Variants in RAB3B observed in about 807,000 individuals in gnomAD.
RAB3B encodes the protein RAB3B, member RAS oncogene family.
Under a neutral mutation model 20.5 loss-of-function variants are expected in RAB3B, and 11 were observed. That is an observed-to-expected ratio of 0.54 (90% CI 0.34 to 0.89). The LOEUF is 0.89. Ranked by LOEUF, RAB3B falls within the 40% of genes least tolerant of loss-of-function variation. RAB3B has a pLI of 0.02. For missense variants in RAB3B, 225 were observed against 280.9 expected, an observed-to-expected ratio of 0.80 and a Z score of 1.42; for synonymous variants, 99 against 106.3, an observed-to-expected ratio of 0.93 and a Z score of 0.42.
intron 2 of RAB3B, among the ~76,000 whole-genome samples, chr1:51,957,682 C>G (rs1455399040): frequency 6.6e-6 from 1 of 152,204 alleles, no homozygotes; most frequent in Non-Finnish European, 1.5e-5. Flanking sequence ...TGTTTGCCCT[C>G]AGTAATCTGC....
intron 3 of RAB3B, among the ~76,000 whole-genome samples, chr1:51,936,550 C>T (rs1230525402): frequency 3.3e-5 from 5 of 152,202 alleles, no homozygotes; most frequent in Non-Finnish European, 7.4e-5. Flanking sequence ...TATAGCAGCA[C>T]ACAAAACCCT....
intron 2 of RAB3B, among the ~76,000 whole-genome samples, chr1:51,970,726 C>T (rs1302000691): frequency 6.6e-6 from 1 of 152,096 alleles, no homozygotes; most frequent in Admixed American, 6.6e-5. Context: ...AACCCAGTGG[C>T]TGGGCACGGT....
chr1:51,932,291 G>A (rs1684337459), intron 4 of RAB3B, among the ~76,000 whole-genome samples: 1 of 152,184 alleles, frequency 6.6e-6, no homozygotes, highest in African/African-American at 2.4e-5. Context: ...CACTAAGGAT[G>A]TGAGATATAC....
rs1684634960 is a variant in RAB3B at position 51,951,117 on chromosome 1, T to A, written c.229-13705A>T. Among the ~76,000 whole-genome samples the A allele has an allele frequency of 2.0e-5, 3 of 148,298 alleles. No homozygotes were observed. In the South Asian group the frequency reaches 6.6e-4, roughly 33 times the overall value. On this transcript the variant is annotated intron_variant, in intron 2 of 4. Coordinates refer to ENST00000371655, the MANE Select transcript of RAB3B (RefSeq NM_002867.4). ...TCATCTTACAGGAGCCTGACAATGA[T>A]TCTGTGATGCAGACTTTTTTTTTTT...
At chr1:51,976,817 C>T in intron 2 of RAB3B, 73 bp downstream of exon 2, 1 of 1,365,634 alleles carries the variant, frequency 7.3e-7, no homozygotes, top group Non-Finnish European at 1.0e-6. Flanking sequence ...CAAGCTGGCC[C>T]CACCTCTAAG....
intron 2 of RAB3B, among the ~76,000 whole-genome samples, chr1:51,945,259 C>T (rs1160038762): frequency 1.3e-5 from 2 of 152,162 alleles, no homozygotes; most frequent in African/African-American, 2.4e-5. Flanking sequence ...GCAGCCTCAA[C>T]CTCCTGGGCT....
intron 2 of RAB3B, 76 bp from the exon 3 acceptor site, chr1:51,937,488 T>C: frequency 1.0e-6 from 1 of 977,486 alleles, no homozygotes; most frequent in Non-Finnish European, 1.5e-6. Context: ...GACAATTAAC[T>C]AATAACCCAA....
rs201370760 is a variant in RAB3B at position 51,937,278 on chromosome 1, A to C, written c.347+16T>G. On this transcript the variant is annotated intron_variant, in intron 3 of 4. Transcript: ENST00000371655. The stretch of plus-strand genomic sequence containing the variant: ...GAACAGTTTGTTAAATGAATGAATG[A>C]ATATGGGTCTCATACCAGTCTTGGA... 380 of 1,547,818 alleles carry C rather than the reference A, an allele frequency of 2.5e-4. 4 individuals are homozygous for C. In the African/African-American group the frequency reaches 4.7e-3, roughly 19 times the overall value.
At chr1:51,953,562 G>C (rs1213518406) in intron 2 of RAB3B, among the ~76,000 whole-genome samples, 1 of 152,240 alleles carries the variant, frequency 6.6e-6, no homozygotes, top group East Asian at 1.9e-4. Flanking sequence ...CCAGCACTTT[G>C]GGAGGCCAAG....
At position 51,918,626 on chromosome 1, in the gene RAB3B, T is replaced by G. The variant is rs1365453316; in HGVS notation, c.*1301A>C. 2.6e-5 allele frequency: 4 copies of G among 152,232 alleles called. No individual in the cohort carries two copies. The highest frequency in any genetic ancestry group is 1.3e-4 in the Admixed American group (2 of 15,282). The allele number at this position is 152,232 out of a possible 1,614,324, so 9.4% of individuals were successfully genotyped here. On this transcript the variant is annotated 3_prime_UTR_variant, in exon 5 of 5. Transcript: ENST00000371655. ...AAAGATGGTGTGGAAAATGAGCTCC[T>G]GTCCCTGCCTAGAAGGTGTGCTTTA...
chr1:51,964,680 A>C (rs1227007049), intron 2 of RAB3B, among the ~76,000 whole-genome samples: 1 of 152,100 alleles, frequency 6.6e-6, no homozygotes, highest in Non-Finnish European at 1.5e-5. Context: ...GCTCAGCCCA[A>C]ACCCTCAGCA....
chr1:51,943,385 AAAT>A (rs369120283), intron 2 of RAB3B, among the ~76,000 whole-genome samples: 34,964 of 122,958 alleles, frequency 0.28, 4,401 homozygotes, highest in Non-Finnish European at 0.32. Context: ...CTCCATCTCA[AAAT>A]AATAATAACA....
At chr1:51,955,599 C>T (rs1684697374) in intron 2 of RAB3B, among the ~76,000 whole-genome samples, 1 of 152,194 alleles carries the variant, frequency 6.6e-6, no homozygotes, top group Admixed American at 6.5e-5. Flanking sequence ...AGGGTTTTAC[C>T]ATGTTGGCCA....
At chr1:51,937,262 G>C in intron 3 of RAB3B, 32 bp downstream of exon 3, 1 of 1,510,944 alleles carries the variant, frequency 6.6e-7, no homozygotes, top group Admixed American at 1.7e-5. Flanking sequence ...TGAACAGTTT[G>C]TTAAATGAAT....
chr1:51,989,208 T>TTTTTTG (rs1318914367), intron 1 of RAB3B, among the ~76,000 whole-genome samples: 2 of 99,822 alleles, frequency 2.0e-5, no homozygotes, highest in African/African-American at 8.7e-5. Flanking sequence ...CCATCTTGTT[T>TTTTTTG]TGTGTGTGTG....
chr1:51,950,112 G>A (rs1684618465), intron 2 of RAB3B, among the ~76,000 whole-genome samples: 1 of 152,144 alleles, frequency 6.6e-6, no homozygotes, highest in Non-Finnish European at 1.5e-5. Context: ...TACTGGAAAA[G>A]GCAACATTTA....
intron 2 of RAB3B, among the ~76,000 whole-genome samples, chr1:51,957,286 G>A (rs1300930302): frequency 2.0e-5 from 3 of 152,092 alleles, no homozygotes; most frequent in Non-Finnish European, 4.4e-5. Context: ...CCTGCACTTT[G>A]GCACCCACTT....
rs1335536914 is a variant in RAB3B, at chr1:51,908,686, C to G, written c.*11241G>C. On this transcript the variant is annotated 3_prime_UTR_variant, in exon 5 of 5. Transcript: ENST00000371655. ...CTTCAGCAGGCTTCCTCTTGTTCCC[C>G]TCTATCACCCCCAGATAGGTGAAGT... 6.6e-6 allele frequency: 1 copy of G among 152,026 alleles called. No individual in the cohort carries two copies. Among genetic ancestry groups the G allele is most frequent in the Non-Finnish European group, 1.5e-5 (1 of 68,048 alleles). The allele number at this position is 152,026 out of a possible 1,614,324, so 9.4% of individuals were successfully genotyped here.
At chr1:51,959,920 T>C (rs1290485066) in intron 2 of RAB3B, among the ~76,000 whole-genome samples, 1 of 152,084 alleles carries the variant, frequency 6.6e-6, no homozygotes, top group Non-Finnish European at 1.5e-5. Context: ...CTGCATCCTG[T>C]GGTTGGGTTG....
Sources: gnomAD v4.1 joint callset for allele counts (sites outside exome capture counted in the v4.1 genomes callset) on GRCh38, gnomAD v4.1.1 for gene constraint, MANE v1.5 for transcripts, NCBI Gene and HGNC (gene_info 2026-07-23, HGNC 2026-07-21) for gene names.